Variants in TENM3 observed in about 807,000 individuals in gnomAD.
The protein encoded by TENM3 is teneurin transmembrane protein 3.
TENM3 carries 63 observed loss-of-function variants against 255.1 expected under a neutral mutation model. That is an observed-to-expected ratio of 0.25 (90% confidence interval 0.20 to 0.30). The LOEUF is 0.30. Ranked by LOEUF, TENM3 falls within the 10% of genes least tolerant of loss-of-function variation. The probability of loss-of-function intolerance (pLI) is 1.00; values close to 1 mark genes in which losing one functional copy is unlikely to be tolerated. For missense variants in TENM3, 2,929 were observed against 3,461.1 expected, an observed-to-expected ratio of 0.85 and a Z score of 3.86; for synonymous variants, 1,306 against 1,322.3, an observed-to-expected ratio of 0.99 and a Z score of 0.27.
At chr4:182,756,735 T>C (rs906267630) in intron 22 of TENM3, among the ~76,000 whole-genome samples, 1 of 152,218 alleles carries the variant, frequency 6.6e-6, no homozygotes, top group Non-Finnish European at 1.5e-5. Context: ...TTGCTTTTCT[T>C]TTTTGACAGA....
upstream of TENM3, among the ~76,000 whole-genome samples, chr4:182,239,076 T>TGTA (rs1491400584): frequency 1.5e-5 from 2 of 135,840 alleles, no homozygotes; most frequent in African/African-American, 6.0e-5. Flanking sequence ...TGTGTGTGTA[T>TGTA]TTTTTTTTTT....
chr4:182,666,464 C>T (rs1022702847), intron 6 of TENM3, among the ~76,000 whole-genome samples: 1 of 152,220 alleles, frequency 6.6e-6, no homozygotes, highest in African/African-American at 2.4e-5. Context: ...CAACCTTCAG[C>T]AACCACCACC....
chr4:181,812,087 T>G, the TENM3 span, among the ~76,000 whole-genome samples: 1 of 152,218 alleles, frequency 6.6e-6, no homozygotes, highest in African/African-American at 2.4e-5. Flanking sequence ...TTCTTGCCAC[T>G]AGGAACTAAG....
At chr4:182,338,532 T>G (rs1764281530) in intron 2 of TENM3, among the ~76,000 whole-genome samples, 5 of 152,112 alleles carry the variant, frequency 3.3e-5, no homozygotes, top group Admixed American at 3.3e-4. Context: ...TGATAAGTGG[T>G]TTTTAAATGT....
chr4:182,122,433 C>T, the TENM3 span, among the ~76,000 whole-genome samples: 7 of 152,200 alleles, frequency 4.6e-5, no homozygotes, highest in African/African-American at 7.2e-5. Context: ...TGAAATTACT[C>T]CTTGACTGAT....
intron 3 of TENM3, among the ~76,000 whole-genome samples, chr4:182,494,689 T>G (rs1735603326): frequency 6.6e-6 from 1 of 152,228 alleles, no homozygotes; most frequent in Admixed American, 6.5e-5. Context: ...AAGACTTCTG[T>G]AATTTCAGAT....
chr4:181,728,327 G>T, the TENM3 span, among the ~76,000 whole-genome samples: 1,153 of 152,270 alleles, frequency 7.6e-3, 9 homozygotes, highest in African/African-American at 0.026. Flanking sequence ...AGTGAAAGCG[G>T]TTAAGAAAGT....
chr4:182,076,350 C>T, the TENM3 span, among the ~76,000 whole-genome samples: 1 of 151,878 alleles, frequency 6.6e-6, no homozygotes, highest in Admixed American at 6.6e-5. Flanking sequence ...ATTACAGGTG[C>T]CCACCACCAC....
the TENM3 span, among the ~76,000 whole-genome samples, chr4:181,796,910 C>G: frequency 2.0e-5 from 3 of 152,104 alleles, no homozygotes; most frequent in Admixed American, 1.3e-4. Flanking sequence ...CATGTCAGAG[C>G]AAGTCTAGAA....
intron 3 of TENM3, among the ~76,000 whole-genome samples, chr4:182,402,512 T>C (rs569481582): frequency 1.6e-4 from 24 of 152,244 alleles, no homozygotes; most frequent in African/African-American, 5.3e-4. Flanking sequence ...GCCATAAAAA[T>C]AAACATGGGC....
At chr4:182,335,494 C>CAGAAAAAAA in intron 2 of TENM3, among the ~76,000 whole-genome samples, 1 of 52,400 alleles carries the variant, frequency 1.9e-5, no homozygotes, top group Admixed American at 2.8e-4. Flanking sequence ...GACTCCGCCT[C>CAGAAAAAAA]AAAAAAAAAA....
chr4:181,761,251 C>T, the TENM3 span, among the ~76,000 whole-genome samples: 12 of 151,878 alleles, frequency 7.9e-5, no homozygotes, highest in South Asian at 8.3e-4. Context: ...TTATTGATGG[C>T]TAAAATAAAA....
the TENM3 span, among the ~76,000 whole-genome samples, chr4:181,697,507 C>T: frequency 6.6e-6 from 1 of 152,144 alleles, no homozygotes; most frequent in Non-Finnish European, 1.5e-5. Context: ...GATTCTTCTG[C>T]CTCACCCTCC....
chr4:182,746,735 G>A (rs1057330957), intron 19 of TENM3, among the ~76,000 whole-genome samples: 7 of 152,152 alleles, frequency 4.6e-5, no homozygotes, highest in African/African-American at 1.2e-4. Context: ...ACCTAAAACA[G>A]GATGGTTAGC....
intron 1 of TENM3, among the ~76,000 whole-genome samples, chr4:182,284,089 A>G (rs1760573475): frequency 6.6e-6 from 1 of 152,196 alleles, no homozygotes; most frequent in Admixed American, 6.5e-5. Context: ...TACAAAGTCT[A>G]CGTTTATAAG....
At chr4:181,701,960 T>C in the TENM3 span, among the ~76,000 whole-genome samples, 3 of 152,152 alleles carry the variant, frequency 2.0e-5, no homozygotes, top group Non-Finnish European at 2.9e-5. Flanking sequence ...CCTTGTCCAG[T>C]TTGCCATTAG....
At chr4:182,550,550 C>A (rs891606913) in intron 3 of TENM3, among the ~76,000 whole-genome samples, 1 of 152,010 alleles carries the variant, frequency 6.6e-6, no homozygotes. Context: ...TTCTGTGAAA[C>A]CTTATTCTGA....
intron 3 of TENM3, among the ~76,000 whole-genome samples, chr4:182,588,317 T>C (rs1374858049): frequency 3.3e-5 from 5 of 152,202 alleles, no homozygotes; most frequent in African/African-American, 1.2e-4. Context: ...TGATATGTTA[T>C]CTGAAAAGCA....
At chr4:181,591,653 C>T in the TENM3 span, among the ~76,000 whole-genome samples, 1 of 152,198 alleles carries the variant, frequency 6.6e-6, no homozygotes, top group East Asian at 1.9e-4. Flanking sequence ...CTCCGCCTCC[C>T]ATCATTTCAG....
Sources: gnomAD v4.1 joint callset for allele counts (sites outside exome capture counted in the v4.1 genomes callset) on GRCh38, gnomAD v4.1.1 for gene constraint, MANE v1.5 for transcripts, NCBI Gene and HGNC (gene_info 2026-07-23, HGNC 2026-07-21) for gene names.